Variants in CPQ observed in about 807,000 individuals in gnomAD.
CPQ encodes Ser-Met dipeptidase.
A neutral mutation model predicts 45.7 loss-of-function variants in CPQ; 37 were observed. That is an observed-to-expected ratio of 0.81 (90% CI 0.62 to 1.07). The LOEUF (loss-of-function observed/expected upper bound fraction) is 1.07. Among genes scored for constraint, CPQ ranks in the 50% least tolerant of loss-of-function variants. The pLI, the probability that CPQ is intolerant of heterozygous loss-of-function variation, is 0.00. For synonymous variants in CPQ, 186 were observed against 205.8 expected (o/e 0.90, Z 0.82); for missense variants, 537 against 572.9 (o/e 0.94, Z 0.64).
chr8:96,694,639 C>T (rs529622560), intron 1 of CPQ, among the ~76,000 whole-genome samples: 2 of 151,996 alleles, frequency 1.3e-5, no homozygotes, highest in Non-Finnish European at 2.9e-5. Context: ...AAACAACAAA[C>T]ACACAGAAGT....
intron 1 of CPQ, among the ~76,000 whole-genome samples, chr8:96,653,786 G>A (rs1164511286): frequency 6.6e-6 from 1 of 152,152 alleles, no homozygotes; most frequent in Non-Finnish European, 1.5e-5. Flanking sequence ...CGGAGGAGGA[G>A]GAGGAAGAGA....
In CPQ at chr8:96,854,530, CAAAAAAAAAAAAAAAAAAA is replaced by C. The variant is rs1156706371; in HGVS notation, c.641+19361_641+19379del. On this transcript the variant is annotated intron_variant, in intron 3 of 7. Transcript: ENST00000220763. ...TGGGCGACAGAGCGAGACTCCGTCT[CAAAAAAAAAAAAAAAAAAA>C]AAAAAAAAAATGTGGTGGAACTAAA... is the stretch of plus-strand genomic sequence containing the variant. Among the ~76,000 whole-genome samples the C allele has an allele frequency of 5.7e-4, 5 of 8,698 alleles. No homozygotes were observed. In the East Asian group the frequency reaches 0.015, roughly 26 times the overall value. 5.7% of individuals were successfully genotyped at this position (8,698 alleles called of 152,430 possible).
chr8:96,824,847 A>G (rs1015235562), intron 2 of CPQ, among the ~76,000 whole-genome samples: 1 of 152,058 alleles, frequency 6.6e-6, no homozygotes, highest in Non-Finnish European at 1.5e-5. Flanking sequence ...ATGGCCCAGG[A>G]GGCTCTTTGC....
rs60185981 is a variant in CPQ, at chr8:96,666,077, A to G, written c.-35+20675A>G. On this transcript the variant is annotated intron_variant, in intron 1 of 7. Transcript: ENST00000220763. The stretch of plus-strand genomic sequence containing the variant: ...TTTATTGTGGGGTTTGTGGGAAGGA[A>G]TGGATGAGTCAAAGCAAGTAGGCTT... Among the ~76,000 whole-genome samples the G allele has an allele frequency of 7.5e-3, 1,134 of 151,372 alleles. 15 individuals carry two copies. Among genetic ancestry groups the G allele is most frequent in the African/African-American group, 0.027 (1,094 of 41,272 alleles).
chr8:97,053,994 G>A (rs556764296), intron 6 of CPQ, among the ~76,000 whole-genome samples: 82 of 152,166 alleles, frequency 5.4e-4, no homozygotes, highest in Middle Eastern at 3.4e-3. Flanking sequence ...CTGAAATGAG[G>A]GGAGTTAGGC....
At chr8:96,953,145 T>C (rs1296277972) in intron 4 of CPQ, among the ~76,000 whole-genome samples, 1 of 152,122 alleles carries the variant, frequency 6.6e-6, no homozygotes, top group Non-Finnish European at 1.5e-5. Context: ...ACAATACTAA[T>C]ATCACAGGAA....
chr8:96,914,427 T>C (rs1812706068), intron 4 of CPQ, among the ~76,000 whole-genome samples: 1 of 152,146 alleles, frequency 6.6e-6, no homozygotes, highest in Admixed American at 6.6e-5. Flanking sequence ...GTATTGGTGG[T>C]AGAAAATTAA....
intron 5 of CPQ, among the ~76,000 whole-genome samples, chr8:97,019,792 C>T (rs1476712609): frequency 6.6e-6 from 1 of 152,142 alleles, no homozygotes; most frequent in Non-Finnish European, 1.5e-5. Flanking sequence ...CTTCAGTACT[C>T]TACTGACAGC....
At chr8:96,866,672 C>G in intron 3 of CPQ, among the ~76,000 whole-genome samples, 1 of 151,980 alleles carries the variant, frequency 6.6e-6, no homozygotes, top group Admixed American at 6.6e-5. Context: ...TTGACTTACC[C>G]TTCCTTTTTA....
rs537063495 is a variant in CPQ at position 97,000,931 on chromosome 8, G to A, written c.962-28472G>A. On this transcript the variant is annotated intron_variant, in intron 5 of 7. Transcript: ENST00000220763. The stretch of plus-strand genomic sequence containing the variant: ...TGATCTCTTTGAACAGTGGTTTGTA[G>A]TTCTCCTTGTAGAGATCTTTCAGTT... Among the ~76,000 whole-genome samples, 3 of 152,180 alleles carry A rather than the reference G, an allele frequency of 2.0e-5. No individual in the cohort carries two copies. In the South Asian group the frequency reaches 6.2e-4, roughly 32 times the overall value.
At chr8:96,858,679 A>G (rs1016015399) in intron 3 of CPQ, among the ~76,000 whole-genome samples, 1 of 152,154 alleles carries the variant, frequency 6.6e-6, no homozygotes, top group African/African-American at 2.4e-5. Context: ...GCAGAAAGCT[A>G]TGTGTATTTC....
intron 1 of CPQ, among the ~76,000 whole-genome samples, chr8:96,660,294 C>T (rs925468327): frequency 2.0e-5 from 3 of 151,548 alleles, no homozygotes; most frequent in African/African-American, 7.3e-5. Flanking sequence ...GCATGCACAC[C>T]CCTGATATCG....
At chr8:97,063,631 T>C (rs967648425) in intron 6 of CPQ, among the ~76,000 whole-genome samples, 4 of 152,096 alleles carry the variant, frequency 2.6e-5, no homozygotes, top group African/African-American at 9.7e-5. Context: ...AATCAATCTT[T>C]AGTTGATTTT....
chr8:96,769,577 C>G (rs989463364), intron 1 of CPQ, among the ~76,000 whole-genome samples: 16 of 151,508 alleles, frequency 1.1e-4, no homozygotes, highest in African/African-American at 3.9e-4. Flanking sequence ...ATTTTGCAAG[C>G]CGTAAATACA....
At position 96,954,026 on chromosome 8, in the gene CPQ, A is replaced by T. The variant is rs544877907; in HGVS notation, c.850-11909A>T. Among the ~76,000 whole-genome samples the T allele has an allele frequency of 4.5e-4, 69 of 152,306 alleles. No homozygotes were observed. The South Asian group carries it at 0.014, about 30-fold the overall frequency. On this transcript the variant is annotated intron_variant, in intron 4 of 7. Coordinates refer to ENST00000220763, the MANE Select transcript of CPQ (RefSeq NM_016134.4). ...TGATGGAAATGTTAAACAAGATTGT[A>T]TCAAGGGCCGAGTTAAGTTAAGCAA...
chr8:96,696,317 G>A (rs968331568), intron 1 of CPQ, among the ~76,000 whole-genome samples: 2 of 152,026 alleles, frequency 1.3e-5, no homozygotes, highest in Non-Finnish European at 2.9e-5. Flanking sequence ...GGGAGGGATA[G>A]CATTGGGAGA....
At chr8:96,894,345 G>A (rs1563522889) in intron 4 of CPQ, among the ~76,000 whole-genome samples, 1 of 152,108 alleles carries the variant, frequency 6.6e-6, no homozygotes. Context: ...AGCAATTAAA[G>A]GGCACAAGAT....
In CPQ at chr8:97,113,426, A is replaced by G. The variant is rs564047768; in HGVS notation, c.1256-29594A>G. Reference sequence around the variant, plus strand: ...AGGATGAGTGAATGAATGTTTGGTGAGAAGCAATTACAGGATATAAAGCAA... The same window carrying G: ...AGGATGAGTGAATGAATGTTTGGTGGGAAGCAATTACAGGATATAAAGCAA... On this transcript the variant is annotated intron_variant, in intron 7 of 7. Transcript: ENST00000220763. 2.0e-5 allele frequency among the ~76,000 whole-genome samples: 3 copies of G among 152,332 alleles called. No homozygotes were observed. In the South Asian group the frequency reaches 6.2e-4, roughly 32 times the overall value.
At chr8:96,880,576 T>TATATATATAC (rs1359946797) in intron 4 of CPQ, among the ~76,000 whole-genome samples, 6 of 83,192 alleles carry the variant, frequency 7.2e-5, no homozygotes, top group Admixed American at 1.4e-4. Flanking sequence ...TATATATATA[T>TATATATATAC]ACCATGGAAT....
Sources: allele counts gnomAD v4.1 joint callset (sites outside exome capture counted in the v4.1 genomes callset), GRCh38; gene constraint gnomAD v4.1.1; transcripts MANE v1.5; gene names NCBI Gene and HGNC (gene_info 2026-07-23, HGNC 2026-07-21).